Variants in CAMTA1 observed in about 807,000 individuals in gnomAD.
CAMTA1 encodes the protein calmodulin binding transcription activator 1, also known as calmodulin-binding transcription activator 1.
In CAMTA1, 27 loss-of-function variants were observed where a neutral mutation model predicts 170.9. The observed-to-expected ratio is 0.16, with a 90% CI of 0.12 to 0.22. The LOEUF (loss-of-function observed/expected upper bound fraction) is 0.22. Ranked by LOEUF, CAMTA1 falls within the 10% of genes least tolerant of loss-of-function variation. CAMTA1 has a pLI of 1.00. For synonymous variants in CAMTA1, 833 were observed against 891.5 expected, an observed-to-expected ratio of 0.93 and a Z score of 1.17; for missense variants, 1,619 against 2,217.2, an observed-to-expected ratio of 0.73 and a Z score of 5.42.
intron 22 of CAMTA1, among the ~76,000 whole-genome samples, chr1:7,761,373 G>A (rs560953379): frequency 7.9e-5 from 12 of 152,274 alleles, no homozygotes; most frequent in Non-Finnish European, 1.5e-4. Context: ...GCTCAGGGAA[G>A]ACTGCTTTGC....
rs1163971348 is a variant in CAMTA1, at chr1:7,113,742, A to C, written c.302+22371A>C. 6.6e-6 allele frequency among the ~76,000 whole-genome samples: 1 copy of C among 152,240 alleles called. No homozygotes were observed. Among genetic ancestry groups the C allele is most frequent in the Non-Finnish European group, 1.5e-5 (1 of 68,036 alleles). ...TTTAATGATATTCTCTCACTTTAGC[A>C]ATATATTTTGTGCTTCAAAAATGTA... On this transcript the variant is annotated intron_variant, in intron 4 of 22. Transcript: ENST00000303635. The surrounding 1 kb of genome is among the most constrained non-coding windows in gnomAD (Gnocchi z 4.5).
At chr1:7,577,914 C>A (rs149941814) in intron 6 of CAMTA1, among the ~76,000 whole-genome samples, 246 of 152,330 alleles carry the variant, frequency 1.6e-3, no homozygotes, top group African/African-American at 5.8e-3. Flanking sequence ...CCTAGATCAT[C>A]ATTTTCAAAA....
intron 6 of CAMTA1, among the ~76,000 whole-genome samples, chr1:7,632,219 C>T (rs2095674793): frequency 6.6e-6 from 1 of 152,232 alleles, no homozygotes; most frequent in Non-Finnish European, 1.5e-5. Flanking sequence ...ATGACAAATG[C>T]AAAGATCGAA....
intron 5 of CAMTA1, among the ~76,000 whole-genome samples, chr1:7,430,267 GGAT>G (rs1490075519): frequency 6.6e-6 from 1 of 150,942 alleles, no homozygotes; most frequent in African/African-American, 2.4e-5. Context: ...ATGATGATGG[GGAT>G]GATGATGACG....
chr1:7,026,986 C>T (rs1702109452), intron 3 of CAMTA1, among the ~76,000 whole-genome samples: 1 of 151,974 alleles, frequency 6.6e-6, no homozygotes, highest in Non-Finnish European at 1.5e-5. Flanking sequence ...ATGTTCCTTC[C>T]CAAAAATGTC....
intron 5 of CAMTA1, among the ~76,000 whole-genome samples, chr1:7,280,046 G>C (rs1014970502): frequency 2.6e-5 from 4 of 152,226 alleles, no homozygotes; most frequent in African/African-American, 9.6e-5. Flanking sequence ...GCAGCATCCA[G>C]ACAGACCTCT....
At chr1:7,213,306 C>G (rs1177114204) in intron 4 of CAMTA1, among the ~76,000 whole-genome samples, 3 of 152,166 alleles carry the variant, frequency 2.0e-5, no homozygotes, top group African/African-American at 7.2e-5. Context: ...GCTCCCCTGA[C>G]AGGTGTGTAA....
chr1:7,737,627 T>C (rs2096781903), intron 15 of CAMTA1, 57 bp downstream of exon 15: 1 of 1,472,326 alleles, frequency 6.8e-7, no homozygotes, highest in Admixed American at 2.0e-5. Context: ...TTTGCTTTCA[T>C]GCAGCTGCCC....
intron 6 of CAMTA1, among the ~76,000 whole-genome samples, chr1:7,557,078 C>T (rs1019881073): frequency 2.0e-5 from 3 of 151,968 alleles, no homozygotes; most frequent in Non-Finnish European, 4.4e-5. Context: ...GAGACCGAGG[C>T]GGGAGGATTG....
intron 6 of CAMTA1, among the ~76,000 whole-genome samples, chr1:7,549,293 C>G (rs1214860965): frequency 6.6e-6 from 1 of 151,872 alleles, no homozygotes. Context: ...TGGAGATGCC[C>G]GTGGAGGGTG....
At chr1:7,598,333 C>A (rs1414380683) in intron 6 of CAMTA1, among the ~76,000 whole-genome samples, 1 of 152,206 alleles carries the variant, frequency 6.6e-6, no homozygotes, top group Non-Finnish European at 1.5e-5. Context: ...TCCAGTCTAT[C>A]ATTTTTGGAC....
chr1:6,926,564 CTCTCTCTCTCCT>C (rs1366673429), intron 3 of CAMTA1, among the ~76,000 whole-genome samples: 1 of 136,238 alleles, frequency 7.3e-6, no homozygotes, highest in Non-Finnish European at 1.6e-5. Context: ...TTCCTTCTTT[CTCTCTCTCTCCT>C]TCTCTCTCTC....
At chr1:7,094,389 T>A (rs1369282723) in intron 4 of CAMTA1, among the ~76,000 whole-genome samples, 1 of 152,172 alleles carries the variant, frequency 6.6e-6, no homozygotes, top group Non-Finnish European at 1.5e-5. Flanking sequence ...ATACAACTTC[T>A]GTTTGCTGCT....
chr1:7,175,788 C>T (rs1379334909), intron 4 of CAMTA1, among the ~76,000 whole-genome samples: 1 of 152,278 alleles, frequency 6.6e-6, no homozygotes, highest in Non-Finnish European at 1.5e-5. Flanking sequence ...GAGCAGGTGC[C>T]CTTGTCCTTT....
At chr1:7,728,421 C>T (rs943515871) in intron 11 of CAMTA1, among the ~76,000 whole-genome samples, 12 of 152,212 alleles carry the variant, frequency 7.9e-5, no homozygotes, top group African/African-American at 2.4e-4. Context: ...TGCTTTTCTG[C>T]CCCTTTGTCT....
At chr1:6,876,000 A>C (rs1669719833) in intron 3 of CAMTA1, among the ~76,000 whole-genome samples, 1 of 152,184 alleles carries the variant, frequency 6.6e-6, no homozygotes, top group South Asian at 2.1e-4. Context: ...TCAGCCAACA[A>C]TTGTTAGTAC....
chr1:7,218,079 C>T (rs953656078), intron 4 of CAMTA1, among the ~76,000 whole-genome samples: 3 of 152,162 alleles, frequency 2.0e-5, no homozygotes, highest in Non-Finnish European at 2.9e-5. Context: ...GGGTCTGCTT[C>T]GCTAGATATA....
chr1:7,687,688 G>A (rs1290162907), intron 11 of CAMTA1, among the ~76,000 whole-genome samples: 2 of 152,180 alleles, frequency 1.3e-5, no homozygotes, highest in African/African-American at 4.8e-5. Context: ...TGATAGGTCC[G>A]TGGGCCCCAG....
intron 3 of CAMTA1, among the ~76,000 whole-genome samples, chr1:6,905,703 T>G (rs1678302108): frequency 6.6e-6 from 1 of 152,332 alleles, no homozygotes; most frequent in African/African-American, 2.4e-5. Flanking sequence ...CCCCCTGCTT[T>G]GCGTTTGCAT....
Sources: gnomAD v4.1 joint callset for allele counts (sites outside exome capture counted in the v4.1 genomes callset) on GRCh38, gnomAD v4.1.1 for gene constraint, Gnocchi (gnomAD v3.1) non-coding constraint, MANE v1.5 for transcripts, NCBI Gene and HGNC (gene_info 2026-07-23, HGNC 2026-07-21) for gene names.